Variants in SLC2A5 observed in about 807,000 individuals in gnomAD.
The protein encoded by SLC2A5 is solute carrier family 2, facilitated glucose transporter member 5.
A neutral mutation model predicts 50.3 loss-of-function variants in SLC2A5; 56 were observed. The ratio of observed to expected loss-of-function variants is 1.11; its 90% CI spans 0.90 to 1.39. The LOEUF (loss-of-function observed/expected upper bound fraction) is 1.39. Ranked by LOEUF, SLC2A5 falls within the 40% of genes most tolerant of loss-of-function variation. SLC2A5 has a pLI of 0.00. For missense variants in SLC2A5, 566 were observed against 650.1 expected, an observed-to-expected ratio of 0.87 and a Z score of 1.41; for synonymous variants, 269 against 281.9, an observed-to-expected ratio of 0.95 and a Z score of 0.46.
At chr1:9,088,894 C>T (rs989112958), upstream of SLC2A5, among the ~76,000 whole-genome samples, 1 of 152,232 alleles carries the variant, frequency 6.6e-6, no homozygotes, top group Non-Finnish European at 1.5e-5. Flanking sequence ...GCGCTCATGT[C>T]TTTTTCTCCA....
intron 1 of SLC2A5, among the ~76,000 whole-genome samples, chr1:9,063,355 T>A (rs908150014): frequency 1.3e-5 from 2 of 151,614 alleles, no homozygotes; most frequent in Non-Finnish European, 2.9e-5. Flanking sequence ...CCAGCCTGTA[T>A]ACTTTATTTA....
At chr1:9,049,472 C>G (rs1389558008) in intron 3 of SLC2A5, among the ~76,000 whole-genome samples, 1 of 152,030 alleles carries the variant, frequency 6.6e-6, no homozygotes, top group African/African-American at 2.4e-5. Flanking sequence ...GCCTGTAATC[C>G]CAGCACTTTG....
chr1:9,082,255 A>G (rs537968446), intron 2 of SLC2A5, among the ~76,000 whole-genome samples: 2 of 152,312 alleles, frequency 1.3e-5, no homozygotes, highest in Non-Finnish European at 2.9e-5. Context: ...TCCTGGATAT[A>G]TACCCAAAAA....
intron 3 of SLC2A5, among the ~76,000 whole-genome samples, chr1:9,054,171 T>C (rs948036762): frequency 2.0e-5 from 3 of 151,946 alleles, no homozygotes; most frequent in Admixed American, 1.3e-4. Flanking sequence ...GGAGGGGCAA[T>C]ATTTGTAGAG....
upstream of SLC2A5, chr1:9,071,728 C>G (rs1642214695): frequency 6.6e-6 from 1 of 152,256 alleles, no homozygotes; most frequent in Non-Finnish European, 1.5e-5. Flanking sequence ...CACCAACGCT[C>G]GACCCGTGCT....
In SLC2A5 at chr1:9,076,904, C is replaced by G. The variant is rs571291583; in HGVS notation, c.-58-7310G>C. The stretch of plus-strand genomic sequence containing the variant: ...TCCCGGGTTCAAGCGATTCTTCTGC[C>G]TCAGCCTCCCTAGTAGCTGGGATTA... On this transcript the variant is annotated intron_variant, in intron 2 of 5. Coordinates refer to the SLC2A5 transcript ENST00000464985. 2.0e-5 allele frequency among the ~76,000 whole-genome samples: 3 copies of G among 152,020 alleles called. No homozygotes were observed. The South Asian group carries it at 6.2e-4, about 32-fold the overall frequency.
At chr1:9,070,036 C>T (rs757781150), upstream of SLC2A5, among the ~76,000 whole-genome samples, 76 of 148,010 alleles carry the variant, frequency 5.1e-4, 1 homozygote, top group Non-Finnish European at 8.6e-4. Context: ...CCCAAGTCAC[C>T]GTGTAATACT....
chr1:9,042,493 C>G (rs921708634), intron 4 of SLC2A5, among the ~76,000 whole-genome samples: 1 of 147,578 alleles, frequency 6.8e-6, no homozygotes, highest in African/African-American at 2.5e-5. Context: ...TGTATGGCCT[C>G]TGTGTGTGTG....
intron 2 of SLC2A5, among the ~76,000 whole-genome samples, chr1:9,078,234 A>G (rs910182354): frequency 6.6e-6 from 1 of 152,188 alleles, no homozygotes; most frequent in Non-Finnish European, 1.5e-5. Flanking sequence ...GAGGACAACC[A>G]GAGGTCACTT....
In SLC2A5 at chr1:9,037,510, G is replaced by A; in HGVS notation, c.*76C>T. On this transcript the variant is annotated 3_prime_UTR_variant, in exon 12 of 12. Transcript: ENST00000377424. ...GTTGTTTTATTTCTGGATATTCACA[G>A]ACAGCTAGAAGTCAGAAAAATAAGC... The A allele has an allele frequency of 8.3e-7, 1 of 1,208,062 alleles. No individual in the cohort carries two copies. The highest frequency in any genetic ancestry group is 1.2e-6 in the Non-Finnish European group (1 of 821,244). The allele number at this position is 1,208,062 out of a possible 1,614,324, so 74.8% of individuals were successfully genotyped here. A position where few individuals can be genotyped will look rare whatever the true frequency, so the allele number is the denominator to read the frequency against.
intron 3 of SLC2A5, chr1:9,049,207 C>G: frequency 2.2e-6 from 1 of 456,194 alleles, no homozygotes; most frequent in Non-Finnish European, 4.4e-6. Context: ...GCGAGTGGAG[C>G]TCCAGCATTC....
intron 2 of SLC2A5, among the ~76,000 whole-genome samples, chr1:9,079,102 G>A (rs1363353486): frequency 2.6e-5 from 4 of 152,074 alleles, no homozygotes; most frequent in Admixed American, 1.3e-4. Context: ...CCTGGCCGCC[G>A]GAACCCAAGT....
chr1:9,057,496 C>A lies in SLC2A5; in HGVS notation c.245G>T (p.Gly82Val). ...GCCGACCAGGAGGGATCCGATAAAC[C>A]CTCCAAATGGAAACATGGACACGGT... Reference protein sequence around the residue: ...SVTVSMFPFGGFIGSLLVGPL... With the variant: ...SVTVSMFPFGVFIGSLLVGPL... The change falls in exon 3 of 12, where the codon GGG becomes GTG. Residue 82 changes from glycine to valine, a missense_variant. Coordinates refer to ENST00000377424, the MANE Select transcript of SLC2A5 (RefSeq NM_003039.3). The A allele has an allele frequency of 6.2e-7, 1 of 1,613,900 alleles. No individual in the cohort carries two copies. Among genetic ancestry groups the A allele is most frequent in the Non-Finnish European group, 8.5e-7 (1 of 1,179,958 alleles).
chr1:9,071,023 A>G (rs1489716582), upstream of SLC2A5, among the ~76,000 whole-genome samples: 1 of 152,192 alleles, frequency 6.6e-6, no homozygotes, highest in African/African-American at 2.4e-5. Context: ...AAAAGTTTCC[A>G]AAGAAAATGC....
intron 4 of SLC2A5, among the ~76,000 whole-genome samples, chr1:9,047,267 T>C (rs558168853): frequency 1.3e-5 from 2 of 152,276 alleles, no homozygotes; most frequent in South Asian, 4.1e-4. Flanking sequence ...AGCTATTCTA[T>C]TTTTAAAAAG....
chr1:9,092,588 C>T (rs1386884463), upstream of SLC2A5, among the ~76,000 whole-genome samples: 2 of 152,114 alleles, frequency 1.3e-5, no homozygotes, highest in Non-Finnish European at 2.9e-5. Flanking sequence ...CATATGCCCC[C>T]AGTAAAAAGG....
intron 3 of SLC2A5, among the ~76,000 whole-genome samples, chr1:9,050,913 C>T (rs1004547648): frequency 1.3e-5 from 2 of 152,084 alleles, no homozygotes; most frequent in Admixed American, 6.6e-5. Context: ...TAAACAGAGA[C>T]GATTCCAACA....
chr1:9,075,854 T>C (rs1051337086), intron 2 of SLC2A5, among the ~76,000 whole-genome samples: 9 of 152,236 alleles, frequency 5.9e-5, no homozygotes, highest in Admixed American at 1.3e-4. Flanking sequence ...AGAAACGGGG[T>C]TTCACCATGT....
chr1:9,068,236 A>G (rs1043978106), intron 1 of SLC2A5, among the ~76,000 whole-genome samples: 1 of 151,108 alleles, frequency 6.6e-6, no homozygotes, highest in Non-Finnish European at 1.5e-5. Context: ...GAAAAGTAGT[A>G]ACATTTACGG....
Sources: allele counts gnomAD v4.1 joint callset (sites outside exome capture counted in the v4.1 genomes callset), GRCh38; gene constraint gnomAD v4.1.1; transcripts MANE v1.5; gene names NCBI Gene and HGNC (gene_info 2026-07-23, HGNC 2026-07-21).